PACRG: variants seen among roughly 807,000 people sequenced by gnomAD.
PACRG encodes parkin coregulated gene protein.
Under a neutral mutation model 29.7 loss-of-function variants are expected in PACRG, and 29 were observed. That is an observed-to-expected ratio of 0.98 (90% CI 0.73 to 1.33). The LOEUF (loss-of-function observed/expected upper bound fraction) is 1.33. PACRG is among the 40% of genes most tolerant of loss of function. PACRG has a pLI of 0.00. For missense variants in PACRG, 279 were observed against 316.2 expected (o/e 0.88, Z 0.89); for synonymous variants, 116 against 118.7 (o/e 0.98, Z 0.15).
intron 2 of PACRG, among the ~76,000 whole-genome samples, chr6:162,991,884 G>C (rs1184733870): frequency 2.5e-5 from 3 of 120,822 alleles, no homozygotes; most frequent in African/African-American, 1.3e-4. Context: ...GTTTGTCATA[G>C]ATAGCTCTTA....
At chr6:162,969,929 C>T (rs1801384742) in intron 2 of PACRG, among the ~76,000 whole-genome samples, 1 of 152,168 alleles carries the variant, frequency 6.6e-6, no homozygotes, top group East Asian at 1.9e-4. Flanking sequence ...TGTGAGCTCT[C>T]TGAGCACAGG....
chr6:163,301,799 A>G (rs1785013296), intron 4 of PACRG, among the ~76,000 whole-genome samples: 1 of 152,228 alleles, frequency 6.6e-6, no homozygotes. Context: ...TATCAACAGC[A>G]CGTTAAATTA....
intron 2 of PACRG, among the ~76,000 whole-genome samples, chr6:162,912,712 C>G (rs1179353305): frequency 1.3e-5 from 2 of 151,654 alleles, no homozygotes; most frequent in Non-Finnish European, 2.9e-5. Context: ...GCTGGGATTA[C>G]AGGCACGTGC....
chr6:163,163,050 GT>G (rs1191686691), intron 4 of PACRG, among the ~76,000 whole-genome samples: 2 of 152,164 alleles, frequency 1.3e-5, no homozygotes, highest in African/African-American at 4.8e-5. Context: ...GTTAGGAAAT[GT>G]GTGCAACTTC....
At chr6:162,748,447 C>A (rs1214347904) in intron 1 of PACRG, among the ~76,000 whole-genome samples, 1 of 152,082 alleles carries the variant, frequency 6.6e-6, no homozygotes, top group Non-Finnish European at 1.5e-5. Context: ...TGACTGAGAT[C>A]GGACCACTGC....
At chr6:162,742,186 C>G (rs1562550855) in intron 1 of PACRG, among the ~76,000 whole-genome samples, 1 of 152,176 alleles carries the variant, frequency 6.6e-6, no homozygotes, top group South Asian at 2.1e-4. Flanking sequence ...ATTTTAGCTT[C>G]CATAATTCTC....
In PACRG at chr6:163,197,765, A is replaced by G. The variant is rs564643405; in HGVS notation, c.613+108357A>G. Among the ~76,000 whole-genome samples the G allele has an allele frequency of 1.6e-4, 25 of 152,118 alleles. No individual in the cohort carries two copies. The East Asian group carries it at 4.3e-3, about 26-fold the overall frequency. ...AGCCCGCCGGCTATTTTCTATTCTT[A>G]TGTTAAATGTTCTCTCTTTACCTTC... On this transcript the variant is annotated intron_variant, in intron 4 of 4. Transcript: ENST00000366888.
At chr6:163,240,422 T>C (rs901810843) in intron 4 of PACRG, among the ~76,000 whole-genome samples, 2 of 152,148 alleles carry the variant, frequency 1.3e-5, no homozygotes, top group Non-Finnish European at 2.9e-5. Flanking sequence ...CGTGAAGACT[T>C]CCATAAAATC....
chr6:163,174,057 T>G (rs560841293), intron 4 of PACRG, among the ~76,000 whole-genome samples: 2 of 152,344 alleles, frequency 1.3e-5, no homozygotes, highest in African/African-American at 4.8e-5. Context: ...CACCGCACTT[T>G]TTTCAAATAA....
chr6:163,193,585 T>G (rs1780315360), intron 4 of PACRG, among the ~76,000 whole-genome samples: 1 of 152,198 alleles, frequency 6.6e-6, no homozygotes, highest in South Asian at 2.1e-4. Context: ...TCCTGAGAAC[T>G]GGGAGGGAAA....
intron 4 of PACRG, among the ~76,000 whole-genome samples, chr6:163,291,702 C>T (rs1314112954): frequency 1.3e-5 from 2 of 152,212 alleles, no homozygotes; most frequent in African/African-American, 4.8e-5. Flanking sequence ...ACATTGCTAG[C>T]GCTTAAAAGA....
chr6:163,122,045 C>T lies in PACRG; in HGVS notation c.613+32637C>T, dbSNP rs150076768. Among the ~76,000 whole-genome samples the T allele has an allele frequency of 1.2e-3, 180 of 152,078 alleles. 1 individual carries two copies. The highest frequency in any genetic ancestry group is 3.7e-3 in the African/African-American group (154 of 41,488). On this transcript the variant is annotated intron_variant, in intron 4 of 4. Coordinates refer to ENST00000366888, the MANE Select transcript of PACRG (RefSeq NM_001080379.2). Reference sequence around the variant, plus strand: ...AGGAGTTTTTGGAAGGAAAAGAGGGCGCCTTATTAATGGTCATTTTCTACT... The same window carrying T: ...AGGAGTTTTTGGAAGGAAAAGAGGGTGCCTTATTAATGGTCATTTTCTACT...
chr6:163,001,657 G>A (rs1804602758), intron 2 of PACRG, among the ~76,000 whole-genome samples: 1 of 151,432 alleles, frequency 6.6e-6, no homozygotes, highest in South Asian at 2.1e-4. Flanking sequence ...GTTACTTTAG[G>A]GAATTGTCTT....
chr6:163,235,970 C>T (rs1377448082), intron 4 of PACRG, among the ~76,000 whole-genome samples: 1 of 151,844 alleles, frequency 6.6e-6, no homozygotes, highest in East Asian at 1.9e-4. Flanking sequence ...TAAAGAGAGG[C>T]TTTGGGAAAA....
intron 1 of PACRG, among the ~76,000 whole-genome samples, chr6:162,753,047 G>A (rs1781630558): frequency 1.3e-5 from 2 of 151,990 alleles, no homozygotes; most frequent in South Asian, 4.2e-4. Flanking sequence ...ATACAATGTG[G>A]CATGATTAAA....
At chr6:163,249,189 G>T (rs993036199) in intron 4 of PACRG, among the ~76,000 whole-genome samples, 1 of 152,152 alleles carries the variant, frequency 6.6e-6, no homozygotes, top group Non-Finnish European at 1.5e-5. Flanking sequence ...AAGGATGCAC[G>T]CAAAGTCTCT....
intron 2 of PACRG, among the ~76,000 whole-genome samples, chr6:163,016,504 T>C (rs1806123554): frequency 6.6e-6 from 1 of 152,042 alleles, no homozygotes; most frequent in Admixed American, 6.6e-5. Flanking sequence ...TGATGACAGA[T>C]CTATTTATAG....
chr6:163,031,286 G>C (rs560779913), intron 2 of PACRG, among the ~76,000 whole-genome samples: 40 of 152,316 alleles, frequency 2.6e-4, no homozygotes, highest in Non-Finnish European at 5.3e-4. Flanking sequence ...GGCTTTCCAT[G>C]AACTAGGCAA....
intron 4 of PACRG, among the ~76,000 whole-genome samples, chr6:163,267,828 T>C (rs2128177983): frequency 6.6e-6 from 1 of 152,314 alleles, no homozygotes; most frequent in South Asian, 2.1e-4. Flanking sequence ...ATAAATGTAG[T>C]CTTTCTCTCC....
Sources: allele counts gnomAD v4.1 joint callset (sites outside exome capture counted in the v4.1 genomes callset), GRCh38; gene constraint gnomAD v4.1.1; transcripts MANE v1.5; gene names NCBI Gene and HGNC (gene_info 2026-07-23, HGNC 2026-07-21).